Variants in RGPD2 observed in about 807,000 individuals in gnomAD.
RGPD2 encodes the protein RANBP2 like and GRIP domain containing 2, also known as RANBP2-like and GRIP domain-containing protein 2.
Under a neutral mutation model 36.0 loss-of-function variants are expected in RGPD2, and 2 were observed. The observed-to-expected ratio is 0.06, with a 90% CI of 0.02 to 0.17. RGPD2 has a LOEUF of 0.17. Among genes scored for constraint, RGPD2 ranks in the 10% least tolerant of loss-of-function variants. The pLI is 1.00. For synonymous variants in RGPD2, 19 were observed against 163.8 expected (o/e 0.12, Z 6.75); for missense variants, 40 against 464.3 (o/e 0.09, Z 8.40).
chr2:87,815,130 A>G lies in RGPD2; in HGVS notation c.402+1139T>C, dbSNP rs1309990085. 1.3e-4 allele frequency among the ~76,000 whole-genome samples: 19 copies of G among 147,456 alleles called. 1 individual carries two copies. The highest frequency in any genetic ancestry group is 4.8e-4 in the African/African-American group (18 of 37,244). ...TAGTGGTGGTATGAATCTACACATGATAAAATGAAAGAAAACTATATACAT... is the reference window on the plus strand; with the variant it reads ...TAGTGGTGGTATGAATCTACACATGGTAAAATGAAAGAAAACTATATACAT... On this transcript the variant is annotated intron_variant, in intron 4 of 22. Transcript: ENST00000398146.
chr2:87,958,331 G>A, the RGPD2 span, among the ~76,000 whole-genome samples: 1 of 151,984 alleles, frequency 6.6e-6, no homozygotes. Context: ...CATATTCTTA[G>A]TTTCAGGCAT....
the RGPD2 span, among the ~76,000 whole-genome samples, chr2:87,887,322 T>A: frequency 6.6e-6 from 1 of 151,236 alleles, no homozygotes. Context: ...GTTTTCTAAG[T>A]GTTCTTTCTT....
chr2:87,864,377 G>A, the RGPD2 span, among the ~76,000 whole-genome samples: 3 of 152,252 alleles, frequency 2.0e-5, no homozygotes, highest in Admixed American at 2.0e-4. Flanking sequence ...GGTTCCTCTG[G>A]TCACTGGGCC....
the RGPD2 span, among the ~76,000 whole-genome samples, chr2:87,959,789 CA>C: frequency 6.7e-6 from 1 of 150,144 alleles, no homozygotes. Context: ...GATTGTTGTA[CA>C]AAATGATTTT....
At chr2:87,923,182 G>GA in the RGPD2 span, among the ~76,000 whole-genome samples, 2 of 151,896 alleles carry the variant, frequency 1.3e-5, no homozygotes, top group African/African-American at 4.8e-5. Context: ...AGGAGAATGA[G>GA]AAAAAATGTG....
chr2:87,910,582 A>C, the RGPD2 span, among the ~76,000 whole-genome samples: 1 of 152,252 alleles, frequency 6.6e-6, no homozygotes, highest in Non-Finnish European at 1.5e-5. Context: ...CAACAAATAC[A>C]GCTGTCCTCT....
At chr2:87,825,801 G>A (rs1250739306), upstream of RGPD2, 4 of 1,489,220 alleles carry the variant, frequency 2.7e-6, no homozygotes, top group Non-Finnish European at 3.6e-6. Context: ...AATTCCAACA[G>A]GAAAGCGCCT....
At chr2:87,877,823 A>C in the RGPD2 span, among the ~76,000 whole-genome samples, 14 of 151,258 alleles carry the variant, frequency 9.3e-5, no homozygotes, top group African/African-American at 3.4e-4. Flanking sequence ...AAAAAAAAAA[A>C]AAAAAAAAAA....
At chr2:87,886,961 C>T in the RGPD2 span, among the ~76,000 whole-genome samples, 3 of 151,154 alleles carry the variant, frequency 2.0e-5, no homozygotes, top group South Asian at 2.1e-4. Context: ...ATGATTGACC[C>T]GAGAGCTTGT....
chr2:87,935,399 A>G, the RGPD2 span, among the ~76,000 whole-genome samples: 1 of 150,316 alleles, frequency 6.7e-6, no homozygotes, highest in African/African-American at 2.4e-5. Flanking sequence ...ATCCCAACAA[A>G]TATGGTTGTA....
the RGPD2 span, among the ~76,000 whole-genome samples, chr2:87,876,600 T>C: frequency 6.6e-6 from 1 of 152,300 alleles, no homozygotes; most frequent in African/African-American, 2.4e-5. Flanking sequence ...TCTTTTGCAT[T>C]TACTGAGGAG....
chr2:87,939,714 T>C, the RGPD2 span, among the ~76,000 whole-genome samples: 12 of 151,880 alleles, frequency 7.9e-5, no homozygotes, highest in African/African-American at 2.9e-4. Flanking sequence ...ATTTTCTGGA[T>C]TTATTTAGTA....
chr2:87,854,073 T>C, the RGPD2 span, among the ~76,000 whole-genome samples: 1 of 150,698 alleles, frequency 6.6e-6, no homozygotes, highest in South Asian at 2.1e-4. Context: ...AACCTTCCAA[T>C]GAGCCTAACT....
the RGPD2 span, among the ~76,000 whole-genome samples, chr2:87,864,694 C>A: frequency 6.6e-6 from 1 of 152,284 alleles, no homozygotes; most frequent in Non-Finnish European, 1.5e-5. Flanking sequence ...TCTGGAGAAT[C>A]CTAAGACAAC....
the RGPD2 span, among the ~76,000 whole-genome samples, chr2:87,948,538 C>T: frequency 1.4e-5 from 2 of 147,364 alleles, no homozygotes; most frequent in Non-Finnish European, 3.0e-5. Context: ...TGTGCCACCA[C>T]ACCCTGCTAA....
At chr2:87,896,949 T>A in the RGPD2 span, among the ~76,000 whole-genome samples, 38 of 151,958 alleles carry the variant, frequency 2.5e-4, no homozygotes, top group Non-Finnish European at 3.7e-4. Context: ...ACTTAAGAAT[T>A]TACAAGAGTT....
the RGPD2 span, among the ~76,000 whole-genome samples, chr2:87,857,452 C>T: frequency 6.6e-6 from 1 of 151,558 alleles, no homozygotes; most frequent in South Asian, 2.1e-4. Context: ...ACGCCATTCT[C>T]CTGCCTCAGC....
At chr2:87,868,422 GA>G in the RGPD2 span, among the ~76,000 whole-genome samples, 4 of 59,338 alleles carry the variant, frequency 6.7e-5, no homozygotes. Context: ...TGGTGTCCTT[GA>G]CTCTTAATGT....
At chr2:87,882,421 T>A in the RGPD2 span, among the ~76,000 whole-genome samples, 7,926 of 149,574 alleles carry the variant, frequency 0.053, no homozygotes, top group Middle Eastern at 0.08. Flanking sequence ...TTACGCAGGG[T>A]TATTTTTGGA....
Sources: gnomAD v4.1 joint callset for allele counts (sites outside exome capture counted in the v4.1 genomes callset) on GRCh38, gnomAD v4.1.1 for gene constraint, MANE v1.5 for transcripts, NCBI Gene and HGNC (gene_info 2026-07-23, HGNC 2026-07-21) for gene names.